Variants in ADARB2 observed in about 807,000 individuals in gnomAD.
ADARB2 encodes adenosine deaminase RNA specific B2 (inactive), also known as inactive double-stranded RNA-specific editase B2.
ADARB2 carries 25 observed loss-of-function variants against 62.2 expected under a neutral mutation model. The observed-to-expected ratio is 0.40, with a 90% CI of 0.29 to 0.56. The LOEUF (loss-of-function observed/expected upper bound fraction) is 0.56, where lower values mean the gene tolerates loss of function less well. ADARB2 is among the 20% of genes least tolerant of loss of function. ADARB2 has a pLI of 0.43. For synonymous variants in ADARB2, 572 were observed against 500.8 expected (o/e 1.14, Z -1.90); for missense variants, 1,071 against 1,077.4 (o/e 0.99, Z 0.08).
chr10:1,542,014 G>A (rs1489731559), intron 1 of ADARB2, among the ~76,000 whole-genome samples: 1 of 48,960 alleles, frequency 2.0e-5, no homozygotes, highest in East Asian at 4.4e-4. Context: ...GATCACAGCC[G>A]TCCAGACCCC....
rs77922214 is a variant in ADARB2, at chr10:1,663,029, G to A, written c.100+74022C>T. On this transcript the variant is annotated intron_variant, in intron 1 of 9. Coordinates refer to ENST00000381312, the MANE Select transcript of ADARB2 (RefSeq NM_018702.4). ...GGACAAAGCTAAATTTAAGTCCAGT[G>A]GATGTGATTAGCTGCAATGTTCAAT... Among the ~76,000 whole-genome samples the A allele has an allele frequency of 6.6e-3, 1,008 of 152,342 alleles. 5 individuals are homozygous for A. The highest frequency in any genetic ancestry group is 0.017 in the Middle Eastern group (5 of 294).
chr10:1,289,760 G>GA (rs1831447691), intron 3 of ADARB2, among the ~76,000 whole-genome samples: 1 of 152,176 alleles, frequency 6.6e-6, no homozygotes, highest in Non-Finnish European at 1.5e-5. Flanking sequence ...AGCCCCTGGG[G>GA]GGACCGCCCG....
At chr10:1,525,824 C>T (rs183769120) in intron 1 of ADARB2, among the ~76,000 whole-genome samples, 10 of 151,364 alleles carry the variant, frequency 6.6e-5, no homozygotes, top group African/African-American at 9.7e-5. Flanking sequence ...TACGTGTGTG[C>T]GCATGTGTAT....
intron 1 of ADARB2, among the ~76,000 whole-genome samples, chr10:1,712,677 C>T (rs1376746876): frequency 1.1e-4 from 10 of 90,246 alleles, no homozygotes; most frequent in Admixed American, 7.0e-4. Flanking sequence ...GGCGGGATCT[C>T]GGTTCACTGC....
chr10:1,346,943 TACCAAG>T (rs1832086571), intron 3 of ADARB2, among the ~76,000 whole-genome samples: 1 of 152,244 alleles, frequency 6.6e-6, no homozygotes, highest in African/African-American at 2.4e-5. Context: ...CTTCAAATGT[TACCAAG>T]AAAGCAGCCC....
Position 1,673,314 on chromosome 10 carries a change from ATGTGTGTG to A in ADARB2, c.100+63729_100+63736del, listed in dbSNP as rs66687699. 5.5e-3 allele frequency among the ~76,000 whole-genome samples: 818 copies of A among 149,694 alleles called. 8 individuals are homozygous for A. Among genetic ancestry groups the A allele is most frequent in the African/African-American group, 0.018 (748 of 40,632 alleles). On this transcript the variant is annotated intron_variant, in intron 1 of 9. Transcript: ENST00000381312. ...ACAAGTGATTTGTAGATTTCATTTT[ATGTGTGTG>A]TGTGTGTGTGTGTGTGTGTGTATGT...
chr10:1,660,567 C>T (rs1352963885), intron 1 of ADARB2, among the ~76,000 whole-genome samples: 3 of 152,112 alleles, frequency 2.0e-5, no homozygotes, highest in African/African-American at 7.2e-5. Flanking sequence ...GCCCTGTCAA[C>T]CAGAACACGT....
chr10:1,469,717 C>T (rs545747498), intron 1 of ADARB2, among the ~76,000 whole-genome samples: 5 of 152,316 alleles, frequency 3.3e-5, no homozygotes, highest in African/African-American at 1.2e-4. Flanking sequence ...CCAGTAACAC[C>T]TGGAGCTGTG....
rs548672442 is a variant in ADARB2, at chr10:1,316,783, A to C, written c.1078-45714T>G. On this transcript the variant is annotated intron_variant, in intron 3 of 9. Transcript: ENST00000381312. ...ATTAATGAAAATGCCATTTGGCTAA[A>C]ACTTAACTAGATTTTCATTGAATTT... Among the ~76,000 whole-genome samples, 36 of 152,308 alleles carry C rather than the reference A, an allele frequency of 2.4e-4. No individual in the cohort carries two copies. The South Asian group carries it at 7.1e-3, about 30-fold the overall frequency.
intron 8 of ADARB2, among the ~76,000 whole-genome samples, chr10:1,191,475 C>T (rs1420954594): frequency 6.6e-6 from 1 of 151,968 alleles, no homozygotes; most frequent in Non-Finnish European, 1.5e-5. Flanking sequence ...TGAGCAGGGT[C>T]GGGCCCCACG....
intron 1 of ADARB2, among the ~76,000 whole-genome samples, chr10:1,598,796 G>A (rs1372134447): frequency 2.0e-5 from 3 of 152,262 alleles, no homozygotes; most frequent in Non-Finnish European, 2.9e-5. Flanking sequence ...CTGGTCAGGA[G>A]GCAGACTGGA....
chr10:1,209,830 A>G (rs1837125438), intron 7 of ADARB2, among the ~76,000 whole-genome samples: 1 of 152,226 alleles, frequency 6.6e-6, no homozygotes, highest in Non-Finnish European at 1.5e-5. Flanking sequence ...AGAAGCCCAC[A>G]CAGAGGACGG....
chr10:1,421,232 C>T (rs1480361047), intron 1 of ADARB2, among the ~76,000 whole-genome samples: 1 of 151,800 alleles, frequency 6.6e-6, no homozygotes, highest in Non-Finnish European at 1.5e-5. Context: ...GCCTGTGCAC[C>T]TGCCCGTCGG....
chr10:1,407,773 C>G (rs1240627009), intron 1 of ADARB2, among the ~76,000 whole-genome samples: 1 of 152,166 alleles, frequency 6.6e-6, no homozygotes, highest in Non-Finnish European at 1.5e-5. Flanking sequence ...GGAAGATTCT[C>G]CCGAGCATGT....
intron 7 of ADARB2, chr10:1,200,397 G>T: frequency 1.8e-6 from 1 of 547,270 alleles, no homozygotes. Flanking sequence ...AAAATGAGTC[G>T]TTAGAGTGGA....
chr10:1,643,655 C>T (rs557340312), intron 1 of ADARB2, among the ~76,000 whole-genome samples: 5 of 152,372 alleles, frequency 3.3e-5, no homozygotes, highest in Non-Finnish European at 5.9e-5. Context: ...GAACCACGGA[C>T]AGCTCCTGGT....
intron 3 of ADARB2, among the ~76,000 whole-genome samples, chr10:1,277,708 T>G (rs1349835603): frequency 6.6e-6 from 1 of 152,186 alleles, no homozygotes; most frequent in East Asian, 1.9e-4. Flanking sequence ...CTTCTGAAAC[T>G]ATTCCAATCA....
At chr10:1,267,837 A>C (rs1831221051) in intron 4 of ADARB2, among the ~76,000 whole-genome samples, 1 of 152,180 alleles carries the variant, frequency 6.6e-6, no homozygotes, top group Non-Finnish European at 1.5e-5. Context: ...TTGGCTCTGT[A>C]GTGGGAATAT....
chr10:1,664,384 C>G (rs1834288046), intron 1 of ADARB2, among the ~76,000 whole-genome samples: 1 of 152,150 alleles, frequency 6.6e-6, no homozygotes, highest in Non-Finnish European at 1.5e-5. Context: ...ACTTCCAGAC[C>G]ACTCTCCACA....
Sources: allele counts gnomAD v4.1 joint callset (sites outside exome capture counted in the v4.1 genomes callset), GRCh38; gene constraint gnomAD v4.1.1; transcripts MANE v1.5; gene names NCBI Gene and HGNC (gene_info 2026-07-23, HGNC 2026-07-21).